PLEKHM3: variants seen among roughly 807,000 people sequenced by gnomAD.
PLEKHM3 encodes pleckstrin homology domain containing M3, also known as pleckstrin homology domain-containing family M member 3.
PLEKHM3 carries 45 observed loss-of-function variants against 81.8 expected under a neutral mutation model. That is an observed-to-expected ratio of 0.55 (90% CI 0.43 to 0.71). PLEKHM3 has a LOEUF of 0.71. Ranked by LOEUF, PLEKHM3 falls within the 30% of genes least tolerant of loss-of-function variation. The pLI is 0.00. For synonymous variants in PLEKHM3, 352 were observed against 356.4 expected (o/e 0.99, Z 0.14); for missense variants, 788 against 924.3 (o/e 0.85, Z 1.91).
intron 5 of PLEKHM3, among the ~76,000 whole-genome samples, chr2:207,927,997 A>C (rs1689459547): frequency 6.6e-6 from 1 of 152,176 alleles, no homozygotes; most frequent in Admixed American, 6.5e-5. Context: ...TTTTTTAATA[A>C]AAAAGATTTA....
rs2092245550 is a variant in PLEKHM3 at position 207,825,604 on chromosome 2, T to G, written c.*2715A>C. The G allele has an allele frequency of 6.6e-6, 1 of 152,216 alleles. No homozygotes were observed. The highest frequency in any genetic ancestry group is 6.5e-5 in the Admixed American group (1 of 15,282). 9.4% of individuals were successfully genotyped at this position (152,216 alleles called of 1,614,324 possible). A position where few individuals can be genotyped will look rare whatever the true frequency, so the allele number is the denominator to read the frequency against. ...TCATGTGCGCCAAGGTATTCTGGGC[T>G]GAAAACAGCAATTTTGAATTTTCAT... On this transcript the variant is annotated 3_prime_UTR_variant, in exon 8 of 8. Coordinates refer to ENST00000427836, the MANE Select transcript of PLEKHM3 (RefSeq NM_001080475.3).
chr2:207,865,799 AAAAGATATATATATATATATAT>A (rs1189639464), intron 6 of PLEKHM3, among the ~76,000 whole-genome samples: 4 of 35,140 alleles, frequency 1.1e-4, no homozygotes, highest in East Asian at 6.9e-4. Context: ...AAAAAAAAAA[AAAAGATATATATATATATATAT>A]ATATATATAT....
chr2:207,983,056 T>C (rs943982377), intron 2 of PLEKHM3, among the ~76,000 whole-genome samples: 1 of 150,228 alleles, frequency 6.7e-6, no homozygotes, highest in African/African-American at 2.4e-5. Flanking sequence ...CATGGATTTT[T>C]TTTTTTTTTT....
intron 7 of PLEKHM3, chr2:207,852,906 T>C (rs1413908100): frequency 2.4e-6 from 1 of 411,116 alleles, no homozygotes. Context: ...CTAATACTTT[T>C]AGAAACTGTG....
At position 207,843,730 on chromosome 2, in the gene PLEKHM3, G is replaced by A. The variant is rs766643826; in HGVS notation, c.2109-15234C>T. ...TTCTTTCCAATCATTGATATAAATT[G>A]CTTTTCCCCCAGTCTTTTCATTTAA... On this transcript the variant is annotated intron_variant, in intron 7 of 7. Transcript: ENST00000427836. The surrounding 1 kb of genome is among the most constrained non-coding windows in gnomAD (Gnocchi z 4.4). 3.9e-5 allele frequency among the ~76,000 whole-genome samples: 6 copies of A among 152,044 alleles called. No homozygotes were observed. Among genetic ancestry groups the A allele is most frequent in the South Asian group, 2.1e-4 (1 of 4,818 alleles).
chr2:207,965,405 C>A (rs78268738), intron 3 of PLEKHM3, among the ~76,000 whole-genome samples: 2 of 148,078 alleles, frequency 1.4e-5, no homozygotes, highest in Non-Finnish European at 1.5e-5. Flanking sequence ...AAAAAAAAAA[C>A]GACAGCACAG....
rs1400876365 is a variant in PLEKHM3 at position 208,001,794 on chromosome 2, T to A, written c.-155A>T. On this transcript the variant is annotated 5_prime_UTR_variant, in exon 2 of 8. Coordinates refer to ENST00000427836, the MANE Select transcript of PLEKHM3 (RefSeq NM_001080475.3). ...TCCCTGGAGCAGGCCAAACCCAAAGTGGTTGATGTTTTCCTGGTAATTAAA... is the reference window on the plus strand; with the variant it reads ...TCCCTGGAGCAGGCCAAACCCAAAGAGGTTGATGTTTTCCTGGTAATTAAA... 2.4e-6 allele frequency: 3 copies of A among 1,253,246 alleles called. No homozygotes were observed. Among genetic ancestry groups the A allele is most frequent in the Non-Finnish European group, 3.3e-6 (3 of 921,344 alleles). 77.6% of individuals were successfully genotyped at this position (1,253,246 alleles called of 1,614,324 possible).
intron 2 of PLEKHM3, among the ~76,000 whole-genome samples, chr2:207,979,732 G>A (rs1691457045): frequency 6.6e-6 from 1 of 151,932 alleles, no homozygotes; most frequent in Admixed American, 6.6e-5. Context: ...TTCTGCTTTT[G>A]GCTAAAGATT....
chr2:207,892,009 GA>G (rs569242399), intron 6 of PLEKHM3, among the ~76,000 whole-genome samples: 101 of 152,248 alleles, frequency 6.6e-4, no homozygotes, highest in South Asian at 1.0e-3. Context: ...CCCTGGCCTC[GA>G]AACTGAGGAC....
chr2:207,923,423 C>G (rs754897341), intron 5 of PLEKHM3, among the ~76,000 whole-genome samples: 1 of 151,950 alleles, frequency 6.6e-6, no homozygotes, highest in Non-Finnish European at 1.5e-5. Flanking sequence ...GCCTGACAAA[C>G]ATGGAGAAAC....
At chr2:208,009,914 AT>A (rs1238254716) in intron 1 of PLEKHM3, among the ~76,000 whole-genome samples, 1 of 152,148 alleles carries the variant, frequency 6.6e-6, no homozygotes, top group East Asian at 1.9e-4. Context: ...AAGCTTTTAC[AT>A]TTTTTTCTTG....
intron 6 of PLEKHM3, among the ~76,000 whole-genome samples, chr2:207,897,642 C>T (rs764429223): frequency 5.9e-5 from 9 of 152,294 alleles, no homozygotes; most frequent in African/African-American, 1.9e-4. Flanking sequence ...ACCGCTGCAG[C>T]GGCCAGCACC....
At chr2:207,990,820 G>A (rs1391361543) in intron 2 of PLEKHM3, among the ~76,000 whole-genome samples, 5 of 152,148 alleles carry the variant, frequency 3.3e-5, no homozygotes, top group Non-Finnish European at 5.9e-5. Flanking sequence ...CTACTTTGGA[G>A]ACTTTCTTTT....
intron 5 of PLEKHM3, among the ~76,000 whole-genome samples, chr2:207,916,771 G>T (rs1275343878): frequency 6.6e-6 from 1 of 151,982 alleles, no homozygotes; most frequent in Non-Finnish European, 1.5e-5. Flanking sequence ...AAAAGAAAAT[G>T]ATTTTAGAGA....
intron 7 of PLEKHM3, among the ~76,000 whole-genome samples, chr2:207,845,343 C>T (rs1266686729): frequency 6.6e-6 from 1 of 152,164 alleles, no homozygotes; most frequent in Non-Finnish European, 1.5e-5. Flanking sequence ...CATTTCAGAA[C>T]ATACTGCTCA....
intron 2 of PLEKHM3, among the ~76,000 whole-genome samples, chr2:207,997,376 A>C (rs376961089): frequency 6.6e-6 from 1 of 152,282 alleles, no homozygotes; most frequent in East Asian, 1.9e-4. Flanking sequence ...CTACAGGAGG[A>C]AGGAAAGAGA....
chr2:207,875,931 A>G (rs576215174), intron 6 of PLEKHM3, among the ~76,000 whole-genome samples: 1 of 152,346 alleles, frequency 6.6e-6, no homozygotes, highest in South Asian at 2.1e-4. Context: ...AGCCAGTAAA[A>G]AGAATGAGGT....
Position 207,946,398 on chromosome 2 carries a change from A to G in PLEKHM3, c.1661T>C (p.Ile554Thr). The G allele has an allele frequency of 6.2e-7, 1 of 1,614,228 alleles. No individual in the cohort carries two copies. The highest frequency in any genetic ancestry group is 8.5e-7 in the Non-Finnish European group (1 of 1,180,030). ...CTTTGAAGTATCCCAGTTGTGGACT[A>G]TGCGTGCTGGAATGAGAAAGCTGTC... ...VDDSFLIPARIVHNWDTSKYK... is the reference protein window; with the variant it reads ...VDDSFLIPARTVHNWDTSKYK... Residue 554 changes from isoleucine to threonine, a missense_variant, in exon 4 of 8, where the codon ATA becomes ACA. Coordinates refer to ENST00000427836, the MANE Select transcript of PLEKHM3 (RefSeq NM_001080475.3).
At chr2:207,915,696 C>A (rs2170196) in intron 5 of PLEKHM3, among the ~76,000 whole-genome samples, 1,977 of 152,242 alleles carry the variant, frequency 0.013, 46 homozygotes, top group African/African-American at 0.045. Flanking sequence ...AGCACAACAC[C>A]AAAAGCAAAC....
Sources: gnomAD v4.1 joint callset for allele counts (sites outside exome capture counted in the v4.1 genomes callset) on GRCh38, gnomAD v4.1.1 for gene constraint, Gnocchi (gnomAD v3.1) non-coding constraint, MANE v1.5 for transcripts, NCBI Gene and HGNC (gene_info 2026-07-23, HGNC 2026-07-21) for gene names.